CERCAM: variants seen among roughly 807,000 people sequenced by gnomAD.
The protein encoded by CERCAM is cerebral endothelial cell adhesion molecule.
CERCAM carries 59 observed loss-of-function variants against 66.0 expected under a neutral mutation model. That is an observed-to-expected ratio of 0.89 (90% CI 0.73 to 1.11). The LOEUF is 1.11. Ranked by LOEUF, CERCAM falls within the 50% of genes most tolerant of loss-of-function variation. The probability of loss-of-function intolerance (pLI) is 0.00; values close to 1 mark genes in which losing one functional copy is unlikely to be tolerated. For missense variants in CERCAM, 840 were observed against 828.3 expected, an observed-to-expected ratio of 1.01 and a Z score of -0.17; for synonymous variants, 318 against 343.6, an observed-to-expected ratio of 0.93 and a Z score of 0.83.
At position 128,433,983 on chromosome 9, in the gene CERCAM, G is replaced by A. The variant is rs1181305571; in HGVS notation, c.1204-119G>A. 3 of 1,381,338 alleles carry A rather than the reference G, an allele frequency of 2.2e-6. No individual in the cohort carries two copies. The African/African-American group carries it at 4.4e-5, about 20-fold the overall frequency. 85.6% of individuals were successfully genotyped at this position (1,381,338 alleles called of 1,614,324 possible). On this transcript the variant is annotated intron_variant, in intron 9 of 12. Coordinates refer to ENST00000372838, the MANE Select transcript of CERCAM (RefSeq NM_016174.5). ...CAGTGGGGCCCCCAGCAGGCTTTGG[G>A]GCAACTGCATGATGTGGCCAGGCCA...
intron 9 of CERCAM, among the ~76,000 whole-genome samples, chr9:128,432,443 G>C (rs932022558): frequency 2.7e-5 from 4 of 148,120 alleles, no homozygotes; most frequent in African/African-American, 1.0e-4. Flanking sequence ...GGAGTGCAGT[G>C]GCGTGATCTT....
chr9:128,428,498 C>T, intron 6 of CERCAM, 77 bp downstream of exon 6: 3 of 1,553,336 alleles, frequency 1.9e-6, no homozygotes, highest in Non-Finnish European at 2.6e-6. Flanking sequence ...TCCCTAGGCC[C>T]TGGACGGAGC....
At chr9:128,426,443 A>T (rs983529309) in intron 5 of CERCAM, among the ~76,000 whole-genome samples, 2 of 151,328 alleles carry the variant, frequency 1.3e-5, no homozygotes, top group Non-Finnish European at 2.9e-5. Flanking sequence ...AGACGGTGAA[A>T]CCCCGTCTCT....
rs1452431553 is a variant in CERCAM, at chr9:128,424,558, A to G, written c.710A>G (p.Asn237Ser). 1.9e-6 allele frequency: 3 copies of G among 1,614,106 alleles called. No individual in the cohort carries two copies. Among genetic ancestry groups the G allele is most frequent in the South Asian group, 1.1e-5 (1 of 91,078 alleles). ...DQLAFYPPHP[N>S]YTWPFDDIIV... is the part of the protein sequence containing the mutation. ...CTTGCTTTCTACCCGCCACATCCCAACTACACTTGGCCTTTCGACGACATC... is the reference window on the plus strand; with the variant it reads ...CTTGCTTTCTACCCGCCACATCCCAGCTACACTTGGCCTTTCGACGACATC... Residue 237 changes from asparagine (N) to serine (S), a missense_variant, in exon 5 of 13, where the codon AAC (asparagine) becomes AGC (serine). Coordinates refer to ENST00000372838, the MANE Select transcript of CERCAM (RefSeq NM_016174.5).
Position 128,434,068 on chromosome 9 carries a change from G to A in CERCAM, c.1204-34G>A, listed in dbSNP as rs760334710. 1.9e-5 allele frequency: 30 copies of A among 1,611,568 alleles called. No homozygotes were observed. Among genetic ancestry groups the A allele is most frequent in the South Asian group, 6.6e-5 (6 of 90,688 alleles). On this transcript the variant is annotated intron_variant, in intron 9 of 12. Transcript: ENST00000372838. The surrounding 1 kb of genome is among the most constrained non-coding windows in gnomAD (Gnocchi z 4.5). ...GGAGGGAGGGGGGTTGTTTAACTCC[G>A]AAGAGCCATCTCCCACCCCATTGTA...
chr9:128,424,741 G>T, intron 5 of CERCAM, 127 bp downstream of exon 5: 1 of 836,968 alleles, frequency 1.2e-6, no homozygotes, highest in Non-Finnish European at 1.8e-6. Context: ...TACAACTTTG[G>T]GTCATGAGTT....
At position 128,428,441 on chromosome 9, in the gene CERCAM, T is replaced by C. The variant is rs777943745; in HGVS notation, c.886+20T>C. On this transcript the variant is annotated intron_variant, in intron 6 of 12. Transcript: ENST00000372838. ...CACTAGGTGAGGGCTGGGGAACTGT[T>C]CCACCCACCTGCTGCCGGGGCTCCC... 1.2e-6 allele frequency: 2 copies of C among 1,613,306 alleles called. No homozygotes were observed. Among genetic ancestry groups the C allele is most frequent in the East Asian group, 2.2e-5 (1 of 44,872 alleles).
chr9:128,429,182 T>C lies in CERCAM; in HGVS notation c.1070+146T>C. 4.9e-6 allele frequency: 3 copies of C among 618,354 alleles called. No homozygotes were observed. The South Asian group carries it at 6.3e-5, about 13-fold the overall frequency. The allele number at this position is 618,354 out of a possible 1,614,324, so 38.3% of individuals were successfully genotyped here. A position where few individuals can be genotyped will look rare whatever the true frequency, so the allele number is the denominator to read the frequency against. Reference sequence around the variant, plus strand: ...CAAATAGGGTCTGAGTAATATCCTCTCAGGGAGTTCCGGAGCAGACACACG... The same window carrying C: ...CAAATAGGGTCTGAGTAATATCCTCCCAGGGAGTTCCGGAGCAGACACACG... On this transcript the variant is annotated intron_variant, in intron 8 of 12. Transcript: ENST00000372838.
At chr9:128,428,882 C>G (rs749062852) in intron 7 of CERCAM, 48 bp from the exon 8 acceptor site, 3 of 1,609,426 alleles carry the variant, frequency 1.9e-6, no homozygotes, top group East Asian at 4.5e-5. Flanking sequence ...GATGGGCCCT[C>G]CTCTTCCGCT....
rs3217090 is a variant in CERCAM, at chr9:128,429,051, T to TG, written c.1070+23dup. 1,683 of 1,564,884 alleles carry TG rather than the reference T, an allele frequency of 1.1e-3. 5 individuals carry two copies. The African/African-American group carries it at 0.013, about 12-fold the overall frequency. ...GTGGATGGCTGGTGAGCCTGCCTGG[T>TG]GGGGGGGGCCCTGTGCGCTTGGGGA... On this transcript the variant is annotated intron_variant, in intron 8 of 12. Transcript: ENST00000372838.
chr9:128,428,665 G>T, intron 6 of CERCAM, 92 bp from the exon 7 acceptor site: 1 of 1,411,238 alleles, frequency 7.1e-7, no homozygotes. Context: ...TCTGCCAAAG[G>T]GGGCAGGAAT....
At chr9:128,432,628 C>G (rs1162705626) in intron 9 of CERCAM, among the ~76,000 whole-genome samples, 2 of 151,888 alleles carry the variant, frequency 1.3e-5, no homozygotes, top group African/African-American at 4.8e-5. Context: ...TCAAGTGATT[C>G]CACCCACCTC....
chr9:128,434,111 A>G lies in CERCAM; in HGVS notation c.1213A>G (p.Arg405Gly). The part of the protein sequence containing the change: ...HYSIWEEVVA[R>G]GLARVLVFED... ...CCATTGTATGCCACAGGTGGTTGCC[A>G]GGGGCCTGGCCCGGGTCCTGGTGTT... Residue 405 changes from arginine (R) to glycine (G), a missense_variant, in exon 10 of 13, where the codon AGG (arginine) becomes GGG (glycine). Physicochemically the swap from Arg to Gly is moderately radical, Grantham distance 125. Transcript: ENST00000372838. This position sits in a 1 kb window ranked among gnomAD's most constrained non-coding sequence, Gnocchi z 4.5. 1.2e-6 allele frequency: 2 copies of G among 1,614,142 alleles called. No homozygotes were observed. The highest frequency in any genetic ancestry group is 1.3e-5 in the African/African-American group (1 of 75,064).
chr9:128,433,227 C>T (rs909174128), intron 9 of CERCAM, among the ~76,000 whole-genome samples: 5 of 147,398 alleles, frequency 3.4e-5, no homozygotes, highest in East Asian at 4.0e-4. Flanking sequence ...TGCAGTGAGC[C>T]GAGATTGTGC....
Position 128,425,045 on chromosome 9 carries a change from G to GTT in CERCAM, c.766+436_766+437dup, listed in dbSNP as rs372468888. ...CCAGTGGTTACTTTTAAGATGAAAG[G>GTT]TTTTTTGTTGTTGTTGTTGTTGTTG... is the stretch of plus-strand genomic sequence containing the variant. On this transcript the variant is annotated intron_variant, in intron 5 of 12. Transcript: ENST00000372838. Among the ~76,000 whole-genome samples, 120 of 148,204 alleles carry GTT rather than the reference G, an allele frequency of 8.1e-4. 1 individual carries two copies. The highest frequency in any genetic ancestry group is 2.9e-3 in the African/African-American group (117 of 39,876).
intron 9 of CERCAM, among the ~76,000 whole-genome samples, chr9:128,432,358 T>C (rs1833995372): frequency 6.7e-6 from 1 of 149,822 alleles, no homozygotes; most frequent in South Asian, 2.1e-4. Flanking sequence ...CTGAACAAAT[T>C]GGAGGATGAC....
intron 5 of CERCAM, 111 bp downstream of exon 5, chr9:128,424,725 A>C: frequency 5.1e-6 from 5 of 982,244 alleles, no homozygotes; most frequent in Non-Finnish European, 7.7e-6. Context: ...CTGTTAACCC[A>C]TGAGTTACAA....
chr9:128,427,205 C>T (rs1275546093), intron 5 of CERCAM, among the ~76,000 whole-genome samples: 5 of 152,024 alleles, frequency 3.3e-5, no homozygotes, highest in Admixed American at 6.6e-5. Flanking sequence ...CTCTGCCTCC[C>T]GGGTTCAAGT....
chr9:128,434,025 G>A lies in CERCAM; in HGVS notation c.1204-77G>A. 24 of 1,568,508 alleles carry A rather than the reference G, an allele frequency of 1.5e-5. No homozygotes were observed. Among genetic ancestry groups the A allele is most frequent in the Non-Finnish European group, 2.0e-5 (23 of 1,154,812 alleles). On this transcript the variant is annotated intron_variant, in intron 9 of 12. Coordinates refer to ENST00000372838, the MANE Select transcript of CERCAM (RefSeq NM_016174.5). This position sits in a 1 kb window ranked among gnomAD's most constrained non-coding sequence, Gnocchi z 4.5. ...GCCAGGCCAACTGAGGCCAGGCAGA[G>A]GCTGTGAGCTTCAGCGTGGAGGGAG...
Sources: gnomAD v4.1 joint callset for allele counts (sites outside exome capture counted in the v4.1 genomes callset) on GRCh38, gnomAD v4.1.1 for gene constraint, Gnocchi (gnomAD v3.1) non-coding constraint, MANE v1.5 for transcripts, NCBI Gene and HGNC (gene_info 2026-07-23, HGNC 2026-07-21) for gene names.